The following DMD variants were observed in gnomAD, a reference collection of about 807,000 sequenced individuals.
DMD encodes mutant dystrophin.
A neutral mutation model predicts 330.1 loss-of-function variants in DMD; 63 were observed. The observed-to-expected ratio is 0.19, with a 90% CI of 0.16 to 0.24. The LOEUF is 0.24. DMD is among the 10% of genes least tolerant of loss of function. DMD has a pLI of 1.00. For synonymous variants in DMD, 1,223 were observed against 959.8 expected, an observed-to-expected ratio of 1.27 and a Z score of -5.07; for missense variants, 3,344 against 2,684.1, an observed-to-expected ratio of 1.25 and a Z score of -5.43.
At position 31,121,416 on chromosome X, in the gene DMD, C is replaced by G. The variant is rs1326996092; in HGVS notation, c.*503G>C. 1 of 111,243 alleles carries G rather than the reference C, an allele frequency of 9.0e-6. No individual in the cohort carries two copies. The highest frequency in any genetic ancestry group is 3.8e-5 in the African/African-American group (1 of 26,083). 9.2% of individuals were successfully genotyped at this position (111,243 alleles called of 1,213,427 possible). A position where few individuals can be genotyped will look rare whatever the true frequency, so the allele number is the denominator to read the frequency against. On this transcript the variant is annotated 3_prime_UTR_variant, in exon 79 of 79. Transcript: ENST00000357033. ...CAAAAGGATGCAAAACAATGCGCTGCCTCAAAGTTTTGTGTGTGTGTGTGT... is the reference window on the plus strand; with the variant it reads ...CAAAAGGATGCAAAACAATGCGCTGGCTCAAAGTTTTGTGTGTGTGTGTGT...
chrX:32,546,136 G>C (rs1442622043), intron 16 of DMD, among the ~76,000 whole-genome samples: 1 of 102,057 alleles, frequency 9.8e-6, no homozygotes, highest in Admixed American at 1.1e-4. Flanking sequence ...AGACATGAGA[G>C]GCCATCACCT....
At chrX:31,938,654 G>T (rs1373433789) in intron 45 of DMD, among the ~76,000 whole-genome samples, 1 of 111,368 alleles carries the variant, frequency 9.0e-6, no homozygotes, top group Non-Finnish European at 1.9e-5. Context: ...GTATAGTACT[G>T]CTGAATCTAG....
At chrX:31,539,788 T>G (rs1010186266) in intron 55 of DMD, among the ~76,000 whole-genome samples, 3 of 112,142 alleles carry the variant, frequency 2.7e-5, no homozygotes, top group Non-Finnish European at 5.6e-5. Context: ...AGGTAACAAC[T>G]GGAATTGATT....
chrX:32,644,331 T>C lies in DMD; in HGVS notation c.1150-18A>G. The stretch of plus-strand genomic sequence containing the variant: ...ATGTACCCCTGACAAAGAAGGAAGT[T>C]AACAATTGTAATTAGAACTCTAGGT... On this transcript the variant is annotated intron_variant, in intron 10 of 78. Transcript: ENST00000357033. 8.3e-7 allele frequency: 1 copy of C among 1,204,474 alleles called. No individual in the cohort carries two copies. Among genetic ancestry groups the C allele is most frequent in the African/African-American group, 1.7e-5 (1 of 57,605 alleles).
At chrX:31,638,875 G>A (rs974993460) in intron 54 of DMD, among the ~76,000 whole-genome samples, 4 of 111,706 alleles carry the variant, frequency 3.6e-5, no homozygotes, top group Admixed American at 9.5e-5. Context: ...TCAACAACTG[G>A]TTAGGGGGCG....
intron 47 of DMD, among the ~76,000 whole-genome samples, chrX:31,891,800 G>A (rs145586065): frequency 0.017 from 1,874 of 111,687 alleles, 41 homozygotes; most frequent in African/African-American, 0.058. Context: ...AGGAGTTGTG[G>A]CCCAACCTCC....
At chrX:32,835,316 T>A (rs376686554) in intron 4 of DMD, among the ~76,000 whole-genome samples, 4 of 112,086 alleles carry the variant, frequency 3.6e-5, no homozygotes, top group Non-Finnish European at 5.6e-5. Context: ...CAAAAACTTG[T>A]AAATAAAAAG....
intron 1 of DMD, among the ~76,000 whole-genome samples, chrX:33,133,362 T>C (rs554175776): frequency 1.5e-4 from 17 of 112,072 alleles, no homozygotes; most frequent in African/African-American, 5.2e-4. Flanking sequence ...ATCTTGTCTC[T>C]AGAGTTATTA....
chrX:32,268,661 A>G (rs1156678285), intron 43 of DMD, among the ~76,000 whole-genome samples: 2 of 112,010 alleles, frequency 1.8e-5, no homozygotes, highest in African/African-American at 3.3e-5. Context: ...CCAAACTGAG[A>G]CACTCATAAT....
At chrX:33,048,628 A>T (rs928335077) in intron 1 of DMD, among the ~76,000 whole-genome samples, 1 of 89,069 alleles carries the variant, frequency 1.1e-5, no homozygotes, top group Non-Finnish European at 2.1e-5. Context: ...CGGGAGGTGG[A>T]GGTTGCAGTG....
At chrX:32,551,902 T>C (rs2049601825) in intron 16 of DMD, among the ~76,000 whole-genome samples, 1 of 111,645 alleles carries the variant, frequency 9.0e-6, no homozygotes, top group African/African-American at 3.3e-5. Context: ...ATAAGATACC[T>C]AGGAATACAG....
chrX:31,582,556 G>C (rs942125547), intron 55 of DMD, among the ~76,000 whole-genome samples: 1 of 112,055 alleles, frequency 8.9e-6, no homozygotes, highest in Non-Finnish European at 1.9e-5. Context: ...AAAGACCAGT[G>C]AACAAGTTAC....
chrX:31,404,093 G>A (rs757095599), intron 60 of DMD, among the ~76,000 whole-genome samples: 2 of 109,686 alleles, frequency 1.8e-5, no homozygotes, highest in African/African-American at 6.6e-5. Flanking sequence ...CATACGTAGT[G>A]TGTACACCCC....
chrX:32,965,337 CA>C (rs1247078217), intron 2 of DMD, among the ~76,000 whole-genome samples: 2 of 109,855 alleles, frequency 1.8e-5, no homozygotes, highest in Non-Finnish European at 3.8e-5. Flanking sequence ...ACTAAAAATA[CA>C]AAAAAATTAT....
chrX:32,327,197 A>T (rs970074882), intron 41 of DMD, among the ~76,000 whole-genome samples: 1 of 94,379 alleles, frequency 1.1e-5, no homozygotes. Context: ...TAGGGGCACA[A>T]AAAAAAAAAG....
chrX:32,434,846 T>C (rs1344552820), intron 29 of DMD, among the ~76,000 whole-genome samples: 1 of 111,763 alleles, frequency 8.9e-6, no homozygotes, highest in Non-Finnish European at 1.9e-5. Context: ...CACAGGCTGA[T>C]ACAACAGAAT....
chrX:32,679,000 A>C (rs2062168118), intron 9 of DMD, among the ~76,000 whole-genome samples: 1 of 112,300 alleles, frequency 8.9e-6, no homozygotes, highest in African/African-American at 3.2e-5. Flanking sequence ...CCACTGATAA[A>C]CCTAACACAC....
chrX:32,588,736 C>T (rs1176387937), intron 13 of DMD, among the ~76,000 whole-genome samples: 2 of 111,259 alleles, frequency 1.8e-5, no homozygotes, highest in African/African-American at 3.3e-5. Flanking sequence ...GAAATGTTGA[C>T]AAGAACAAAG....
At chrX:33,328,959 T>C (rs1294214483) in intron 1 of DMD, among the ~76,000 whole-genome samples, 1 of 111,681 alleles carries the variant, frequency 9.0e-6, no homozygotes, top group Non-Finnish European at 1.9e-5. Flanking sequence ...AAAGATCTCA[T>C]ACCTATAAAA....
Sources: gnomAD v4.1 joint callset for allele counts (sites outside exome capture counted in the v4.1 genomes callset) on GRCh38, gnomAD v4.1.1 for gene constraint, MANE v1.5 for transcripts, NCBI Gene and HGNC (gene_info 2026-07-23, HGNC 2026-07-21) for gene names.